The following KCTD8 variants were observed in gnomAD, a reference collection of about 807,000 sequenced individuals.
KCTD8 encodes the protein potassium channel tetramerization domain containing 8, also known as BTB/POZ domain-containing protein KCTD8.
KCTD8 carries 27 observed loss-of-function variants against 31.5 expected under a neutral mutation model. That is an observed-to-expected ratio of 0.86 (90% CI 0.63 to 1.18). KCTD8 has a LOEUF of 1.18. Ranked by LOEUF, KCTD8 falls within the 50% of genes most tolerant of loss-of-function variation. KCTD8 has a pLI of 0.00. For synonymous variants in KCTD8, 290 were observed against 280.0 expected, an observed-to-expected ratio of 1.04 and a Z score of -0.36; for missense variants, 658 against 647.7, an observed-to-expected ratio of 1.02 and a Z score of -0.17.
intron 1 of KCTD8, among the ~76,000 whole-genome samples, chr4:44,324,044 T>TAAAAAAAAAAAAAAAAA (rs34203587): frequency 8.5e-6 from 1 of 117,234 alleles, no homozygotes; most frequent in Non-Finnish European, 1.8e-5. Flanking sequence ...AAAGTATAAT[T>TAAAAAAAAAAAAAAAAA]AAAAAAAAAA....
chr4:44,271,694 G>C (rs755113237), intron 1 of KCTD8, among the ~76,000 whole-genome samples: 1 of 152,134 alleles, frequency 6.6e-6, no homozygotes, highest in African/African-American at 2.4e-5. Flanking sequence ...GTGCCTTAAG[G>C]ACATGTTCCT....
chr4:44,374,764 G>T (rs766288049), intron 1 of KCTD8, among the ~76,000 whole-genome samples: 38 of 152,116 alleles, frequency 2.5e-4, no homozygotes, highest in Non-Finnish European at 4.6e-4. Flanking sequence ...AATTAAGTTT[G>T]CCATCTTCTA....
intron 1 of KCTD8, among the ~76,000 whole-genome samples, chr4:44,236,758 T>C (rs1423240512): frequency 6.6e-6 from 1 of 152,162 alleles, no homozygotes; most frequent in African/African-American, 2.4e-5. Flanking sequence ...TTTGGCTGTG[T>C]CCTTACTCAA....
At chr4:44,415,514 C>T (rs1056063646) in intron 1 of KCTD8, among the ~76,000 whole-genome samples, 2 of 152,130 alleles carry the variant, frequency 1.3e-5, no homozygotes, top group Non-Finnish European at 2.9e-5. Flanking sequence ...CCATCACAAA[C>T]CCTGAAGCCT....
At chr4:44,186,283 G>A (rs987327816) in intron 1 of KCTD8, among the ~76,000 whole-genome samples, 1 of 152,276 alleles carries the variant, frequency 6.6e-6, no homozygotes, top group East Asian at 1.9e-4. Context: ...AGCAGTCAGA[G>A]GAGAATTGCG....
chr4:44,174,486 C>T lies in KCTD8; in HGVS notation c.*304G>A, dbSNP rs1577808698. ...CAAAATGACAAACATATCCAGTTGA[C>T]CAGAGTTCAAAAACCAAGATACTAA... On this transcript the variant is annotated 3_prime_UTR_variant, in exon 2 of 2. Transcript: ENST00000360029. 1 of 233,262 alleles carries T rather than the reference C, an allele frequency of 4.3e-6. No individual in the cohort carries two copies. The highest frequency in any genetic ancestry group is 8.2e-6 in the Non-Finnish European group (1 of 121,278). 14.4% of individuals were successfully genotyped at this position (233,262 alleles called of 1,614,324 possible).
Position 44,377,351 on chromosome 4 carries a change from G to A in KCTD8, c.961+70212C>T, listed in dbSNP as rs551889711. On this transcript the variant is annotated intron_variant, in intron 1 of 1. Transcript: ENST00000360029. ...TCATTTCCTGAGAAGCGCCCTTTCT[G>A]GGCCATATCTTAGGTCTAAGAGAAA... 9.2e-5 allele frequency among the ~76,000 whole-genome samples: 14 copies of A among 152,244 alleles called. No homozygotes were observed. The South Asian group carries it at 2.9e-3, about 32-fold the overall frequency.
chr4:44,439,900 T>TTATATTTATTTATTTA (rs369938951), intron 1 of KCTD8, among the ~76,000 whole-genome samples: 7 of 133,370 alleles, frequency 5.2e-5, no homozygotes, highest in African/African-American at 8.6e-5. Context: ...AATCATTTAT[T>TTATATTTATTTATTTA]TTTATTTATT....
intron 1 of KCTD8, among the ~76,000 whole-genome samples, chr4:44,433,027 A>C (rs1363928656): frequency 6.6e-6 from 1 of 151,620 alleles, no homozygotes; most frequent in African/African-American, 2.4e-5. Flanking sequence ...ACCTCAGCAC[A>C]GTTATCTTTC....
Position 44,212,378 on chromosome 4 carries a change from G to A in KCTD8, c.962-37128C>T, listed in dbSNP as rs574048145. The stretch of plus-strand genomic sequence containing the variant: ...AACTGCATATGAATCTACAACTACA[G>A]TCACCCCTTAGTATATGTGGGAAAT... On this transcript the variant is annotated intron_variant, in intron 1 of 1. Coordinates refer to ENST00000360029, the MANE Select transcript of KCTD8 (RefSeq NM_198353.3). 2.6e-5 allele frequency among the ~76,000 whole-genome samples: 4 copies of A among 152,234 alleles called. No individual in the cohort carries two copies. In the South Asian group the frequency reaches 6.2e-4, roughly 24 times the overall value.
intron 1 of KCTD8, among the ~76,000 whole-genome samples, chr4:44,362,613 G>A (rs979133774): frequency 2.0e-5 from 3 of 152,014 alleles, no homozygotes; most frequent in Non-Finnish European, 4.4e-5. Flanking sequence ...TAGTCCAGGT[G>A]AGTTGAAATA....
intron 1 of KCTD8, among the ~76,000 whole-genome samples, chr4:44,302,111 G>A (rs1048498130): frequency 5.3e-5 from 8 of 152,088 alleles, no homozygotes; most frequent in Non-Finnish European, 1.0e-4. Flanking sequence ...TGCTGTTTTT[G>A]TTACTGTAGC....
chr4:44,318,177 C>T (rs567079340), intron 1 of KCTD8, among the ~76,000 whole-genome samples: 3 of 152,238 alleles, frequency 2.0e-5, no homozygotes, highest in African/African-American at 7.2e-5. Context: ...ATTTCTGATC[C>T]ATTGCTTGCA....
chr4:44,253,839 T>C (rs568116618), intron 1 of KCTD8, among the ~76,000 whole-genome samples: 134 of 152,004 alleles, frequency 8.8e-4, no homozygotes, highest in South Asian at 1.7e-3. Context: ...TTTTGTTACA[T>C]AGCAATAAGT....
chr4:44,302,817 C>G lies in KCTD8; in HGVS notation c.962-127567G>C, dbSNP rs544822588. Reference sequence around the variant, plus strand: ...GTGCCAGTTTTCAAAGGGAATGCTTCCAGTTTTTGCCCATTCAGTATGATA... The same window carrying G: ...GTGCCAGTTTTCAAAGGGAATGCTTGCAGTTTTTGCCCATTCAGTATGATA... On this transcript the variant is annotated intron_variant, in intron 1 of 1. Transcript: ENST00000360029. 9.5e-4 allele frequency among the ~76,000 whole-genome samples: 144 copies of G among 151,644 alleles called. No individual in the cohort carries two copies. The East Asian group carries it at 0.012, about 12-fold the overall frequency.
intron 1 of KCTD8, among the ~76,000 whole-genome samples, chr4:44,262,351 C>T (rs1716204763): frequency 6.6e-6 from 1 of 151,912 alleles, no homozygotes; most frequent in Non-Finnish European, 1.5e-5. Context: ...AGCCCCACTA[C>T]CCTACTCTCT....
At chr4:44,278,766 T>C (rs1446208736) in intron 1 of KCTD8, among the ~76,000 whole-genome samples, 2 of 152,068 alleles carry the variant, frequency 1.3e-5, no homozygotes, top group Admixed American at 6.6e-5. Flanking sequence ...GTTCTCATCC[T>C]TTCTGACCTC....
intron 1 of KCTD8, among the ~76,000 whole-genome samples, chr4:44,437,056 A>G (rs1203778768): frequency 1.2e-5 from 1 of 84,784 alleles, no homozygotes; most frequent in Non-Finnish European, 2.4e-5. Context: ...ATGATTTTGA[A>G]AGTTTTTTTT....
chr4:44,421,052 G>A (rs939632249), intron 1 of KCTD8, among the ~76,000 whole-genome samples: 3 of 151,878 alleles, frequency 2.0e-5, no homozygotes, highest in Non-Finnish European at 4.4e-5. Context: ...TTCTCTTAAA[G>A]TTGTATCTTT....
Sources: gnomAD v4.1 joint callset for allele counts (sites outside exome capture counted in the v4.1 genomes callset) on GRCh38, gnomAD v4.1.1 for gene constraint, MANE v1.5 for transcripts, NCBI Gene and HGNC (gene_info 2026-07-23, HGNC 2026-07-21) for gene names.